Variants in RASGRF2 observed in about 807,000 individuals in gnomAD.
The protein encoded by RASGRF2 is ras-specific guanine nucleotide-releasing factor 2.
In RASGRF2, 76 loss-of-function variants were observed where a neutral mutation model predicts 151.0. The ratio of observed to expected loss-of-function variants is 0.50; its 90% CI spans 0.42 to 0.61. The LOEUF is 0.61. Ranked by LOEUF, RASGRF2 falls within the 20% of genes least tolerant of loss-of-function variation. The pLI, the probability that RASGRF2 is intolerant of heterozygous loss-of-function variation, is 0.00. For synonymous variants in RASGRF2, 504 were observed against 566.5 expected (o/e 0.89, Z 1.57); for missense variants, 1,148 against 1,564.6 (o/e 0.73, Z 4.49).
At chr5:81,066,980 C>T (rs147435261) in intron 2 of RASGRF2, among the ~76,000 whole-genome samples, 65 of 152,302 alleles carry the variant, frequency 4.3e-4, no homozygotes, top group Non-Finnish European at 8.4e-4. Flanking sequence ...TTATGTCCAG[C>T]GTGCACTTTC....
At chr5:81,091,855 T>G (rs1200338831) in intron 9 of RASGRF2, among the ~76,000 whole-genome samples, 2 of 152,202 alleles carry the variant, frequency 1.3e-5, no homozygotes, top group Non-Finnish European at 1.5e-5. Flanking sequence ...ATGCACTTAA[T>G]GATTCTTCTG....
chr5:81,187,898 G>T (rs992789891), intron 18 of RASGRF2, among the ~76,000 whole-genome samples: 7 of 152,220 alleles, frequency 4.6e-5, no homozygotes, highest in African/African-American at 1.4e-4. Context: ...ACAAAATTCA[G>T]TGTTGAATTA....
chr5:81,147,883 A>T (rs1754040964), intron 17 of RASGRF2, among the ~76,000 whole-genome samples: 1 of 152,284 alleles, frequency 6.6e-6, no homozygotes, highest in East Asian at 1.9e-4. Flanking sequence ...ACTGCCAGAG[A>T]TTTCCTCTGC....
At position 81,131,432 on chromosome 5, in the gene RASGRF2, G is replaced by A. The variant is rs374011436; in HGVS notation, c.2686+4269G>A. The stretch of plus-strand genomic sequence containing the variant: ...TGCAGGGGCGTGATCTTGGCTCACT[G>A]AAACCTCTGCCTCCCAGGTTCAAGC... On this transcript the variant is annotated intron_variant, in intron 17 of 26. Transcript: ENST00000265080. 5.3e-5 allele frequency among the ~76,000 whole-genome samples: 8 copies of A among 152,208 alleles called. No homozygotes were observed. The East Asian group carries it at 1.2e-3, about 22-fold the overall frequency.
At chr5:81,166,681 G>C (rs796416700) in intron 17 of RASGRF2, among the ~76,000 whole-genome samples, 2 of 152,148 alleles carry the variant, frequency 1.3e-5, no homozygotes, top group African/African-American at 4.8e-5. Flanking sequence ...CGAAGGGCTG[G>C]TAATTGAGGT....
At chr5:81,155,158 T>A (rs1413127159) in intron 17 of RASGRF2, among the ~76,000 whole-genome samples, 7 of 152,158 alleles carry the variant, frequency 4.6e-5, no homozygotes, top group Admixed American at 2.6e-4. Context: ...TTCAGTTAAG[T>A]AGTGTTTAGA....
intron 13 of RASGRF2, among the ~76,000 whole-genome samples, chr5:81,111,274 C>A (rs970059953): frequency 6.6e-6 from 1 of 152,122 alleles, no homozygotes; most frequent in Non-Finnish European, 1.5e-5. Context: ...TCCTGAAATG[C>A]TGCAGTGAAG....
rs199888166 is a variant in RASGRF2, at chr5:81,078,483, T to G, written c.888-1638T>G. ...AACTTTTTTAGCTTTCAAATATGAGTGAGAACATGTGATACTTGTCTTTCT... is the reference window on the plus strand; with the variant it reads ...AACTTTTTTAGCTTTCAAATATGAGGGAGAACATGTGATACTTGTCTTTCT... On this transcript the variant is annotated intron_variant, in intron 5 of 26. Coordinates refer to ENST00000265080, the MANE Select transcript of RASGRF2 (RefSeq NM_006909.3). Among the ~76,000 whole-genome samples, 3 of 152,166 alleles carry G rather than the reference T, an allele frequency of 2.0e-5. No individual in the cohort carries two copies. The East Asian group carries it at 5.8e-4, about 29-fold the overall frequency.
intron 1 of RASGRF2, among the ~76,000 whole-genome samples, chr5:80,982,442 A>G (rs536621604): frequency 8.1e-4 from 72 of 89,430 alleles, no homozygotes; most frequent in African/African-American, 2.6e-3. Flanking sequence ...TTTAACCTGT[A>G]GGAAGAAGGA....
chr5:80,995,942 C>G (rs1748843333), intron 1 of RASGRF2, among the ~76,000 whole-genome samples: 1 of 152,028 alleles, frequency 6.6e-6, no homozygotes, highest in African/African-American at 2.4e-5. Flanking sequence ...ATCTGCCCGC[C>G]CTGGCCTTGC....
At chr5:81,035,357 C>G (rs935723149) in intron 1 of RASGRF2, among the ~76,000 whole-genome samples, 2 of 152,080 alleles carry the variant, frequency 1.3e-5, no homozygotes, top group African/African-American at 4.8e-5. Context: ...CATACTATCA[C>G]AAGGACAGAA....
chr5:81,214,552 T>G (rs1755693927), intron 23 of RASGRF2, among the ~76,000 whole-genome samples: 2 of 152,204 alleles, frequency 1.3e-5, no homozygotes. Flanking sequence ...TTTTGAAACT[T>G]TTTTGAGCAA....
At chr5:81,215,267 C>CTTT (rs772223510) in intron 23 of RASGRF2, among the ~76,000 whole-genome samples, 43 of 119,774 alleles carry the variant, frequency 3.6e-4, no homozygotes, top group East Asian at 1.0e-3. Flanking sequence ...AATATAGAAT[C>CTTT]TTTTTTTTTT....
intron 4 of RASGRF2, among the ~76,000 whole-genome samples, chr5:81,071,457 C>T (rs542992241): frequency 6.6e-6 from 1 of 152,240 alleles, no homozygotes; most frequent in East Asian, 1.9e-4. Flanking sequence ...CACATCATCC[C>T]TATGGAATTC....
intron 1 of RASGRF2, among the ~76,000 whole-genome samples, chr5:80,989,702 G>A (rs16878285): frequency 0.017 from 2,639 of 152,274 alleles, 82 homozygotes; most frequent in African/African-American, 0.058. Context: ...CTCTCCTCAC[G>A]TGCTGAAATA....
At chr5:81,041,353 G>A (rs1750673050) in intron 1 of RASGRF2, among the ~76,000 whole-genome samples, 2 of 151,878 alleles carry the variant, frequency 1.3e-5, no homozygotes, top group Admixed American at 1.3e-4. Context: ...GTGATCTACT[G>A]GGTGTACTGT....
At chr5:81,157,865 T>C (rs1369696686) in intron 17 of RASGRF2, among the ~76,000 whole-genome samples, 1 of 152,064 alleles carries the variant, frequency 6.6e-6, no homozygotes, top group East Asian at 1.9e-4. Context: ...TCCCTCCCAA[T>C]AGGGTTTATG....
intron 17 of RASGRF2, among the ~76,000 whole-genome samples, chr5:81,150,308 T>C (rs1273481703): frequency 6.6e-6 from 1 of 152,194 alleles, no homozygotes; most frequent in Non-Finnish European, 1.5e-5. Flanking sequence ...TCTCATCTTC[T>C]CATCTTTAAA....
intron 1 of RASGRF2, among the ~76,000 whole-genome samples, chr5:81,021,847 T>G (rs1449709641): frequency 6.6e-6 from 1 of 151,924 alleles, no homozygotes; most frequent in African/African-American, 2.4e-5. Context: ...CCTGAAAGGT[T>G]TGGGGATAGG....
Sources: gnomAD v4.1 joint callset for allele counts (sites outside exome capture counted in the v4.1 genomes callset) on GRCh38, gnomAD v4.1.1 for gene constraint, MANE v1.5 for transcripts, NCBI Gene and HGNC (gene_info 2026-07-23, HGNC 2026-07-21) for gene names.